The following CENPI variants were observed in gnomAD, a reference collection of about 807,000 sequenced individuals.
CENPI encodes the protein centromere protein I.
In CENPI, 4 loss-of-function variants were observed where a neutral mutation model predicts 60.4. That is an observed-to-expected ratio of 0.07 (90% CI 0.03 to 0.15). The LOEUF is 0.15. Among genes scored for constraint, CENPI ranks in the 10% least tolerant of loss-of-function variants. CENPI has a pLI of 1.00. For synonymous variants in CENPI, 157 were observed against 189.4 expected, an observed-to-expected ratio of 0.83 and a Z score of 1.40; for missense variants, 444 against 534.5, an observed-to-expected ratio of 0.83 and a Z score of 1.67.
chrX:101,169,475 G>A (rs1282276590), downstream of CENPI, among the ~76,000 whole-genome samples: 1 of 112,149 alleles, frequency 8.9e-6, no homozygotes, highest in Non-Finnish European at 1.9e-5. Context: ...TGTTTGTGAT[G>A]ATGCTGGTGT....
intron 20 of CENPI, among the ~76,000 whole-genome samples, chrX:101,158,599 G>T (rs1027589593): frequency 2.5e-4 from 26 of 106,103 alleles, no homozygotes; most frequent in African/African-American, 6.9e-4. Flanking sequence ...AAGTAGGGTT[G>T]TAAAGTGGTC....
At chrX:101,157,897 A>G (rs1334548510) in intron 20 of CENPI, among the ~76,000 whole-genome samples, 2 of 110,904 alleles carry the variant, frequency 1.8e-5, no homozygotes, top group Non-Finnish European at 3.8e-5. Context: ...ACTAGAACTT[A>G]TTCCGTCTAT....
At chrX:101,125,097 GCTT>G (rs1284614684) in intron 8 of CENPI, among the ~76,000 whole-genome samples, 3 of 111,357 alleles carry the variant, frequency 2.7e-5, no homozygotes, top group African/African-American at 6.5e-5. Flanking sequence ...GGTTCTAACT[GCTT>G]CTTATGTAGC....
chrX:101,117,505 C>T (rs1355978377), intron 6 of CENPI, among the ~76,000 whole-genome samples: 2 of 112,072 alleles, frequency 1.8e-5, no homozygotes, highest in East Asian at 2.8e-4. Flanking sequence ...AAACTGCAGA[C>T]GTTTTTTGAG....
In CENPI at chrX:101,131,194, A is replaced by G. The variant is rs193237285; in HGVS notation, c.1288-996A>G. On this transcript the variant is annotated intron_variant, in intron 13 of 21. Transcript: ENST00000682095. ...GTGTTTGTTTTTTGTATTTTTTTGT[A>G]AAAACGGGGATTTACCACGTTGCCC... 7.0e-3 allele frequency among the ~76,000 whole-genome samples: 767 copies of G among 109,324 alleles called. 26 individuals are homozygous for G. The highest frequency in any genetic ancestry group is 0.061 in the Admixed American group (613 of 10,089). 94.9% of individuals were successfully genotyped at this position (109,324 alleles called of 115,157 possible). A position where few individuals can be genotyped will look rare whatever the true frequency, so the allele number is the denominator to read the frequency against.
At chrX:101,124,090 A>AGTGTGTGTGTGTGT (rs397842781) in intron 8 of CENPI, among the ~76,000 whole-genome samples, 4 of 88,259 alleles carry the variant, frequency 4.5e-5, no homozygotes, top group East Asian at 3.9e-4. Flanking sequence ...TATAGAATCA[A>AGTGTGTGTGTGTGT]GTGTGTGTGT....
intron 3 of CENPI, 140 bp downstream of exon 3, chrX:101,101,436 A>G: frequency 4.4e-6 from 2 of 458,965 alleles, no homozygotes; most frequent in Non-Finnish European, 7.4e-6. Context: ...AGCAATTACT[A>G]TATATCAGTA....
chrX:101,146,797 T>A (rs2089965554), intron 18 of CENPI, among the ~76,000 whole-genome samples: 1 of 111,210 alleles, frequency 9.0e-6, no homozygotes, highest in Non-Finnish European at 1.9e-5. Flanking sequence ...TGCAGTGACA[T>A]GATCTCGGCT....
intron 6 of CENPI, among the ~76,000 whole-genome samples, chrX:101,117,641 A>G (rs1361674862): frequency 9.0e-6 from 1 of 111,642 alleles, no homozygotes; most frequent in East Asian, 2.8e-4. Context: ...ACAACCATAC[A>G]CTTAGTGTGT....
chrX:101,180,332 T>G, the CENPI span, among the ~76,000 whole-genome samples: 1 of 110,869 alleles, frequency 9.0e-6, no homozygotes, highest in South Asian at 3.9e-4. Context: ...AGATAAGGTC[T>G]CACTATGTTG....
intron 21 of CENPI, among the ~76,000 whole-genome samples, chrX:101,161,980 C>G (rs2031242450): frequency 9.2e-6 from 1 of 108,930 alleles, no homozygotes; most frequent in Non-Finnish European, 1.9e-5. Context: ...TTGCTCTGTC[C>G]CCCAGGCTGG....
intron 20 of CENPI, among the ~76,000 whole-genome samples, chrX:101,159,925 T>C (rs1203446646): frequency 8.9e-6 from 1 of 112,455 alleles, no homozygotes; most frequent in Admixed American, 9.5e-5. Context: ...GCTTGTTAGA[T>C]ATCCAAGAAA....
In CENPI at chrX:101,164,372, G is replaced by T. The variant is rs2090135125; in HGVS notation, c.*1405G>T. On this transcript the variant is annotated 3_prime_UTR_variant, in exon 22 of 22. Transcript: ENST00000682095. ...TTTTGAGATGGAGTCTCACTCTGTTGCCCAGGCTGGAGTGCAGAGGCATGA... is the reference window on the plus strand; with the variant it reads ...TTTTGAGATGGAGTCTCACTCTGTTTCCCAGGCTGGAGTGCAGAGGCATGA... Among the ~76,000 whole-genome samples, 1 of 111,067 alleles carries T rather than the reference G, an allele frequency of 9.0e-6. No individual in the cohort carries two copies. The highest frequency in any genetic ancestry group is 1.9e-5 in the Non-Finnish European group (1 of 53,040).
chrX:101,167,427 T>C (rs2148275750), downstream of CENPI, among the ~76,000 whole-genome samples: 1 of 111,976 alleles, frequency 8.9e-6, no homozygotes, highest in South Asian at 3.8e-4. Context: ...TACTGTTACC[T>C]CGGGTAATAA....
At chrX:101,154,696 A>G (rs918785282) in intron 20 of CENPI, among the ~76,000 whole-genome samples, 1 of 112,227 alleles carries the variant, frequency 8.9e-6, no homozygotes, top group Non-Finnish European at 1.9e-5. Flanking sequence ...CTTCCAATGC[A>G]TGAACATCAT....
intron 20 of CENPI, among the ~76,000 whole-genome samples, chrX:101,160,592 A>G (rs1220368362): frequency 9.3e-6 from 1 of 108,015 alleles, no homozygotes; most frequent in Non-Finnish European, 1.9e-5. Flanking sequence ...GCTTCACCAC[A>G]TTGGCCAGGC....
At chrX:101,169,384 T>C, downstream of CENPI, among the ~76,000 whole-genome samples, 1 of 112,208 alleles carries the variant, frequency 8.9e-6, no homozygotes, top group Non-Finnish European at 1.9e-5. Context: ...ATTGACAACA[T>C]GTATGGTGGT....
At chrX:101,148,982 A>G (rs2089984632) in intron 20 of CENPI, among the ~76,000 whole-genome samples, 3 of 111,879 alleles carry the variant, frequency 2.7e-5, no homozygotes, top group Non-Finnish European at 5.6e-5. Flanking sequence ...GGAGGCAGTC[A>G]TTAAACAGAC....
At position 101,154,509 on chromosome X, in the gene CENPI, G is replaced by A. The variant is rs187689897; in HGVS notation, c.2094+6348G>A. Among the ~76,000 whole-genome samples the A allele has an allele frequency of 4.9e-3, 547 of 111,228 alleles. 4 individuals are homozygous for A. The highest frequency in any genetic ancestry group is 0.016 in the African/African-American group (499 of 30,660). ...GGCAGGAGAATCGCTTGAACCTGGG[G>A]GGCGGAGGTTGCGGTGAGCTGAGGT... On this transcript the variant is annotated intron_variant, in intron 20 of 21. Coordinates refer to ENST00000682095, the MANE Select transcript of CENPI (RefSeq NM_001386188.2).
Sources: gnomAD v4.1 joint callset for allele counts (sites outside exome capture counted in the v4.1 genomes callset) on GRCh38, gnomAD v4.1.1 for gene constraint, MANE v1.5 for transcripts, NCBI Gene and HGNC (gene_info 2026-07-23, HGNC 2026-07-21) for gene names.